The following AKAP19 variants were observed in gnomAD, a reference collection of about 807,000 sequenced individuals.
The protein encoded by AKAP19 is A-kinase anchoring protein 19.
At chr2:190,158,355 G>A in the AKAP19 span, among the ~76,000 whole-genome samples, 144,454 of 152,256 alleles carry the variant, frequency 0.95, 69,002 homozygotes, top group East Asian at 1. Context: ...GTAAAATTCA[G>A]TCTATATTTC....
the AKAP19 span, among the ~76,000 whole-genome samples, chr2:190,070,427 A>G: frequency 2.6e-5 from 4 of 151,790 alleles, no homozygotes; most frequent in African/African-American, 9.7e-5. Flanking sequence ...AGAACTAGGT[A>G]CAACCTTGAC....
At chr2:190,029,816 A>G in the AKAP19 span, among the ~76,000 whole-genome samples, 1 of 152,192 alleles carries the variant, frequency 6.6e-6, no homozygotes, top group East Asian at 1.9e-4. Flanking sequence ...GTTTATAAAC[A>G]CACACGTACA....
the AKAP19 span, among the ~76,000 whole-genome samples, chr2:189,980,446 T>C: frequency 6.6e-6 from 1 of 152,190 alleles, no homozygotes; most frequent in Non-Finnish European, 1.5e-5. Context: ...TCAATTCTCA[T>C]GCCTCAGCCT....
chr2:190,157,393 C>CACACACACACACACACACACACACAT, the AKAP19 span, among the ~76,000 whole-genome samples: 62 of 149,352 alleles, frequency 4.2e-4, no homozygotes, highest in African/African-American at 1.4e-3. Context: ...CACACACACA[C>CACACACACACACACACACACACACAT]ATATCACAGG....
At chr2:189,896,221 G>A in the AKAP19 span, among the ~76,000 whole-genome samples, 1 of 152,088 alleles carries the variant, frequency 6.6e-6, no homozygotes, top group East Asian at 1.9e-4. Flanking sequence ...CAGTTTTCTA[G>A]TTCTGATACT....
the AKAP19 span, among the ~76,000 whole-genome samples, chr2:190,038,907 C>CTTCTTCTTT: frequency 1.3e-5 from 1 of 75,948 alleles, no homozygotes; most frequent in Non-Finnish European, 2.5e-5. Flanking sequence ...TTTCTTTCTT[C>CTTCTTCTTT]TTCTTCTTCT....
the AKAP19 span, among the ~76,000 whole-genome samples, chr2:190,068,933 C>T: frequency 6.6e-6 from 1 of 152,086 alleles, no homozygotes; most frequent in African/African-American, 2.4e-5. Flanking sequence ...ATTTAATGAT[C>T]TGGGCTTCCT....
chr2:189,930,802 T>G, the AKAP19 span: 1 of 820,550 alleles, frequency 1.2e-6, no homozygotes, highest in Middle Eastern at 2.3e-4. Context: ...AGGCAGATGT[T>G]GTATAAGGCC....
At chr2:190,062,430 A>C in the AKAP19 span, 1 of 1,613,362 alleles carries the variant, frequency 6.2e-7, no homozygotes, top group East Asian at 2.2e-5. Context: ...TTGTATCTTA[A>C]TGGCTTCTAT....
chr2:189,930,372 C>T, the AKAP19 span: 1 of 424,170 alleles, frequency 2.4e-6, no homozygotes, highest in South Asian at 3.0e-5. Context: ...GGTAGATGTA[C>T]ATGCACGGTA....
the AKAP19 span, among the ~76,000 whole-genome samples, chr2:189,994,165 C>A: frequency 1.3e-5 from 2 of 151,942 alleles, no homozygotes; most frequent in Non-Finnish European, 2.9e-5. Flanking sequence ...CACCTGCCAC[C>A]ACGCCTGGCT....
the AKAP19 span, among the ~76,000 whole-genome samples, chr2:190,126,120 G>A: frequency 3.1e-4 from 46 of 150,724 alleles, no homozygotes; most frequent in African/African-American, 1.0e-3. Flanking sequence ...ATGAAATCCT[G>A]TCTCTACTAA....
chr2:189,891,615 G>A, the AKAP19 span, among the ~76,000 whole-genome samples: 3 of 151,910 alleles, frequency 2.0e-5, no homozygotes, highest in African/African-American at 7.3e-5. Flanking sequence ...TTAGTCTGAT[G>A]GGCTTCCCTT....
the AKAP19 span, among the ~76,000 whole-genome samples, chr2:189,986,471 A>T: frequency 6.6e-6 from 1 of 152,088 alleles, no homozygotes; most frequent in Non-Finnish European, 1.5e-5. Context: ...GAGCAGAGGC[A>T]TACTGCTAAC....
At chr2:189,981,794 G>C in the AKAP19 span, among the ~76,000 whole-genome samples, 1 of 152,116 alleles carries the variant, frequency 6.6e-6, no homozygotes, top group African/African-American at 2.4e-5. Flanking sequence ...TTTTGGGCTG[G>C]CTTTTTTTAT....
chr2:190,039,853 C>T, the AKAP19 span, among the ~76,000 whole-genome samples: 14 of 152,086 alleles, frequency 9.2e-5, no homozygotes, highest in Non-Finnish European at 1.6e-4. Flanking sequence ...GACATGATCT[C>T]GTTCTTTTTT....
the AKAP19 span, among the ~76,000 whole-genome samples, chr2:190,165,394 G>A: frequency 6.6e-6 from 1 of 152,074 alleles, no homozygotes; most frequent in Admixed American, 6.5e-5. Flanking sequence ...CTGAGATCCT[G>A]CCACTGTACT....
the AKAP19 span, among the ~76,000 whole-genome samples, chr2:190,043,813 C>T: frequency 1.5e-3 from 221 of 152,296 alleles, 1 homozygote; most frequent in African/African-American, 5.1e-3. Flanking sequence ...TTTCTCCTCA[C>T]TGTGTGTGGG....
chr2:190,151,665 G>T, the AKAP19 span, among the ~76,000 whole-genome samples: 1 of 152,176 alleles, frequency 6.6e-6, no homozygotes, highest in Non-Finnish European at 1.5e-5. Context: ...GTGCTGCAAT[G>T]AACAAACCAA....
Sources: gnomAD v4.1 joint callset for allele counts (sites outside exome capture counted in the v4.1 genomes callset) on GRCh38, gnomAD v4.1.1 for gene constraint, MANE v1.5 for transcripts, NCBI Gene and HGNC (gene_info 2026-07-23, HGNC 2026-07-21) for gene names.